Variants in CLMN observed in about 807,000 individuals in gnomAD.
CLMN encodes calmin (calponin-like, transmembrane).
CLMN carries 57 observed loss-of-function variants against 92.7 expected under a neutral mutation model. The ratio of observed to expected loss-of-function variants is 0.61; its 90% CI spans 0.50 to 0.77. The LOEUF (loss-of-function observed/expected upper bound fraction) is 0.77. Ranked by LOEUF, CLMN falls within the 30% of genes least tolerant of loss-of-function variation. The probability of loss-of-function intolerance (pLI) is 0.00; values close to 1 mark genes in which losing one functional copy is unlikely to be tolerated. For synonymous variants in CLMN, 466 were observed against 470.6 expected, an observed-to-expected ratio of 0.99 and a Z score of 0.13; for missense variants, 1,158 against 1,237.5, an observed-to-expected ratio of 0.94 and a Z score of 0.96.
At position 95,191,633 on chromosome 14, in the gene CLMN, A is replaced by G; in HGVS notation, c.2940T>C (p.Phe980=). ...QLVQQPDMMY[F]ILFLWLLVYC... ...ACACCAGGAGCCACAGGAAGAGAAT[A>G]AAATACATCATATCCGGCTGCTGGA... Residue 980 remains phenylalanine, a synonymous_variant, in exon 13 of 13, where the codon TTT becomes TTC. Transcript: ENST00000298912. The surrounding 1 kb of genome is among the most constrained non-coding windows in gnomAD (Gnocchi z 5.3). 6.2e-7 allele frequency: 1 copy of G among 1,613,880 alleles called. No individual in the cohort carries two copies. Among genetic ancestry groups the G allele is most frequent in the South Asian group, 1.1e-5 (1 of 91,074 alleles).
At position 95,203,645 on chromosome 14, in the gene CLMN, G is replaced by C. The variant is rs147284495; in HGVS notation, c.1704C>G (p.Ser568Arg). The change falls in exon 9 of 13, where the codon AGC (serine) becomes AGG (arginine). Residue 568 changes from serine to arginine, a missense_variant. Physicochemically the swap from Ser to Arg is moderately radical, Grantham distance 110. Coordinates refer to ENST00000298912, the MANE Select transcript of CLMN (RefSeq NM_024734.4). Reference protein sequence around the residue: ...AIPLKASKFNSDLIDFASTSQ... With the variant: ...AIPLKASKFNRDLIDFASTSQ... ...TGGTAGAAGCAAAATCTATTAGGTCGCTGTTAAATTTTGAGGCTTTTAATG... is the reference window on the plus strand; with the variant it reads ...TGGTAGAAGCAAAATCTATTAGGTCCCTGTTAAATTTTGAGGCTTTTAATG... 6.2e-7 allele frequency: 1 copy of C among 1,614,004 alleles called. No homozygotes were observed. The highest frequency in any genetic ancestry group is 1.1e-5 in the South Asian group (1 of 91,068).
chr14:95,197,382 TAGAGAG>T (rs201047116), intron 9 of CLMN, among the ~76,000 whole-genome samples: 2 of 116,954 alleles, frequency 1.7e-5, no homozygotes, highest in South Asian at 2.8e-4. Context: ...GGAAGGAAGA[TAGAGAG>T]AGAAAGAAAA....
intron 1 of CLMN, among the ~76,000 whole-genome samples, chr14:95,299,902 G>A (rs1452242518): frequency 6.6e-6 from 1 of 152,122 alleles, no homozygotes; most frequent in Non-Finnish European, 1.5e-5. Context: ...GAGTTTGGGG[G>A]GACCCAGAAA....
chr14:95,272,026 C>T (rs1254141479), intron 1 of CLMN, among the ~76,000 whole-genome samples: 3 of 152,166 alleles, frequency 2.0e-5, no homozygotes, highest in African/African-American at 7.2e-5. Flanking sequence ...GACTATTATG[C>T]AATTAATCTA....
At chr14:95,215,506 T>C (rs1897310813) in intron 5 of CLMN, 135 bp downstream of exon 5, 1 of 706,708 alleles carries the variant, frequency 1.4e-6, no homozygotes, top group Non-Finnish European at 2.4e-6. Context: ...CTAGTGCTTT[T>C]TCAGTGAGTA....
At chr14:95,245,225 T>TATATATAA (rs1491192837) in intron 1 of CLMN, among the ~76,000 whole-genome samples, 2 of 24,360 alleles carry the variant, frequency 8.2e-5, no homozygotes, top group African/African-American at 5.4e-4. Flanking sequence ...TATATATATA[T>TATATATAA]TATATATATA....
rs1306362340 is a variant in CLMN, at chr14:95,191,717, T to C, written c.2856A>G (p.Ser952=). 6.2e-7 allele frequency: 1 copy of C among 1,607,732 alleles called. No individual in the cohort carries two copies. The highest frequency in any genetic ancestry group is 1.1e-5 in the South Asian group (1 of 90,390). ...NRILTRKANS[S]GEAMSLGSHS... ...GGCTCCCCAGTGACATGGCTTCTCCTGAGCTGTTGGCCTTCCTACAGAAGA... is the reference window on the plus strand; with the variant it reads ...GGCTCCCCAGTGACATGGCTTCTCCCGAGCTGTTGGCCTTCCTACAGAAGA... Residue 952 remains serine (S), a synonymous_variant, in exon 13 of 13, where the codon TCA becomes TCG. Transcript: ENST00000298912. This position sits in a 1 kb window ranked among gnomAD's most constrained non-coding sequence, Gnocchi z 5.3.
intron 1 of CLMN, among the ~76,000 whole-genome samples, chr14:95,280,776 A>C (rs1204051558): frequency 6.6e-6 from 1 of 152,148 alleles, no homozygotes; most frequent in Non-Finnish European, 1.5e-5. Context: ...TGTTATTGGT[A>C]TGTGTTCCAA....
Position 95,194,045 on chromosome 14 carries a change from A to G in CLMN, c.2770-126T>C, listed in dbSNP as rs1208104971. ...ATGCCGGGCATTTCTCAATACCGCCAGCGTCTAGATCCAAAATCAAAGTGC... is the reference window on the plus strand; with the variant it reads ...ATGCCGGGCATTTCTCAATACCGCCGGCGTCTAGATCCAAAATCAAAGTGC... On this transcript the variant is annotated intron_variant, in intron 11 of 12. Coordinates refer to ENST00000298912, the MANE Select transcript of CLMN (RefSeq NM_024734.4). The surrounding 1 kb of genome is among the most constrained non-coding windows in gnomAD (Gnocchi z 4.0). The G allele has an allele frequency of 3.4e-5, 51 of 1,489,882 alleles. 1 individual carries two copies. In the East Asian group the frequency reaches 1.2e-3, roughly 36 times the overall value. 92.3% of individuals were successfully genotyped at this position (1,489,882 alleles called of 1,614,324 possible). A position where few individuals can be genotyped will look rare whatever the true frequency, so the allele number is the denominator to read the frequency against.
chr14:95,236,826 G>T (rs1241696486), intron 1 of CLMN, among the ~76,000 whole-genome samples: 1 of 152,148 alleles, frequency 6.6e-6, no homozygotes, highest in Non-Finnish European at 1.5e-5. Context: ...ACTTCATGAG[G>T]TTGTGAGGAC....
At chr14:95,293,747 T>A (rs1900696138) in intron 1 of CLMN, among the ~76,000 whole-genome samples, 1 of 123,022 alleles carries the variant, frequency 8.1e-6, no homozygotes, top group Non-Finnish European at 1.6e-5. Flanking sequence ...CAACAACACA[T>A]CCCCTGGCTG....
rs998828323 is a variant in CLMN at position 95,182,892 on chromosome 14, T to A, written c.*8672A>T. The A allele has an allele frequency of 6.6e-6, 1 of 152,190 alleles. No individual in the cohort carries two copies. The highest frequency in any genetic ancestry group is 1.5e-5 in the Non-Finnish European group (1 of 68,034). 9.4% of individuals were successfully genotyped at this position (152,190 alleles called of 1,614,324 possible). A position where few individuals can be genotyped will look rare whatever the true frequency, so the allele number is the denominator to read the frequency against. On this transcript the variant is annotated 3_prime_UTR_variant, in exon 13 of 13. Transcript: ENST00000298912. ...ATTTCCCAGGTTCTACTTCAAACATTCATCTGAAACCTTTAAGATTCAGAC... is the reference window on the plus strand; with the variant it reads ...ATTTCCCAGGTTCTACTTCAAACATACATCTGAAACCTTTAAGATTCAGAC...
intron 1 of CLMN, among the ~76,000 whole-genome samples, chr14:95,292,710 C>T (rs1368506461): frequency 6.6e-6 from 1 of 152,100 alleles, no homozygotes; most frequent in East Asian, 1.9e-4. Context: ...TGTGCCCCCA[C>T]TAAAAACACC....
At chr14:95,228,099 G>A (rs1897768387) in intron 2 of CLMN, among the ~76,000 whole-genome samples, 1 of 152,110 alleles carries the variant, frequency 6.6e-6, no homozygotes, top group African/African-American at 2.4e-5. Context: ...CATTTGGGGT[G>A]GTGAGTGGGT....
chr14:95,294,559 A>G lies in CLMN; in HGVS notation c.82+25152T>C, dbSNP rs1052429331. On this transcript the variant is annotated intron_variant, in intron 1 of 12. Transcript: ENST00000298912. This position sits in a 1 kb window ranked among gnomAD's most constrained non-coding sequence, Gnocchi z 4.2. ...CCCTCACCTGTCCCTTCCGAGTCAC[A>G]TGATCTTGGGAAGTTACCTCCTGGT... Among the ~76,000 whole-genome samples, 20 of 152,194 alleles carry G rather than the reference A, an allele frequency of 1.3e-4. No individual in the cohort carries two copies. Among genetic ancestry groups the G allele is most frequent in the Admixed American group, 9.2e-4 (14 of 15,284 alleles).
At chr14:95,192,071 C>T (rs562241958) in intron 12 of CLMN, 2 of 198,086 alleles carry the variant, frequency 1.0e-5, no homozygotes, top group East Asian at 2.5e-4. Flanking sequence ...ACAGAGAGGG[C>T]GCCTAGGCCA....
At chr14:95,227,551 G>A (rs1897751429) in intron 2 of CLMN, among the ~76,000 whole-genome samples, 1 of 152,198 alleles carries the variant, frequency 6.6e-6, no homozygotes, top group Non-Finnish European at 1.5e-5. Flanking sequence ...CCCCGGCCGT[G>A]GCCAAGCCTT....
chr14:95,318,753 G>A (rs965663083), intron 1 of CLMN, among the ~76,000 whole-genome samples: 3 of 152,100 alleles, frequency 2.0e-5, no homozygotes, highest in Non-Finnish European at 4.4e-5. Context: ...AAGAAGGGCC[G>A]GAAGTGGTGT....
At chr14:95,234,635 G>A (rs1438014200) in intron 1 of CLMN, among the ~76,000 whole-genome samples, 2 of 152,218 alleles carry the variant, frequency 1.3e-5, no homozygotes, top group African/African-American at 4.8e-5. Context: ...CCAAGTGCCG[G>A]GCCGGGTGGA....
Sources: allele counts gnomAD v4.1 joint callset (sites outside exome capture counted in the v4.1 genomes callset), GRCh38; gene constraint gnomAD v4.1.1; non-coding constraint Gnocchi (gnomAD v3.1); transcripts MANE v1.5; gene names NCBI Gene and HGNC (gene_info 2026-07-23, HGNC 2026-07-21).